Variants in C1QTNF6 observed in about 807,000 individuals in gnomAD.
The protein encoded by C1QTNF6 is complement C1q tumor necrosis factor-related protein 6.
Under a neutral mutation model 20.7 loss-of-function variants are expected in C1QTNF6, and 17 were observed. The ratio of observed to expected loss-of-function variants is 0.82; its 90% CI spans 0.56 to 1.23. The LOEUF is 1.23. Ranked by LOEUF, C1QTNF6 falls within the 50% of genes most tolerant of loss-of-function variation. The pLI is 0.00. For missense variants in C1QTNF6, 329 were observed against 389.7 expected (o/e 0.84, Z 1.31); for synonymous variants, 130 against 156.3 (o/e 0.83, Z 1.25).
At chr22:37,185,102 C>T in intron 2 of C1QTNF6, 116 bp downstream of exon 2, 1 of 1,448,064 alleles carries the variant, frequency 6.9e-7, no homozygotes, top group East Asian at 2.5e-5. Context: ...CATTGGGGCT[C>T]AATAACTCAG....
At chr22:37,188,362 C>T (rs1371868905), upstream of C1QTNF6, 3 of 643,656 alleles carry the variant, frequency 4.7e-6, no homozygotes, top group Non-Finnish European at 7.4e-6. Flanking sequence ...TCCCACTTCC[C>T]CTCCTCCCTG....
At chr22:37,191,039 T>C (rs1000564920), upstream of C1QTNF6, 2 of 152,216 alleles carry the variant, frequency 1.3e-5, no homozygotes, top group Non-Finnish European at 2.9e-5. Flanking sequence ...TTGCTTGATA[T>C]ATATGTGTTA....
At chr22:37,198,389 C>T (rs1925278278), upstream of C1QTNF6, 1 of 152,250 alleles carries the variant, frequency 6.6e-6, no homozygotes, top group African/African-American at 2.4e-5. Flanking sequence ...CCCCTGGCCA[C>T]CATCCTGCAC....
In C1QTNF6 at chr22:37,182,656, C is replaced by T; in HGVS notation, c.369G>A (p.Gln123=). The change falls in exon 3 of 3, where the codon CAG becomes CAA. Residue 123 remains glutamine, a synonymous_variant. Transcript: ENST00000337843. ...REGPQGEPGP[Q]GSKGDKGEMG... ...TCTCCCCCTTGTCACCCTTGCTGCC[C>T]TGAGGGCCAGGCTCCCCTTGGGGAC... 1 of 1,613,252 alleles carries T rather than the reference C, an allele frequency of 6.2e-7. No homozygotes were observed. The highest frequency in any genetic ancestry group is 8.5e-7 in the Non-Finnish European group (1 of 1,180,008).
At position 37,182,465 on chromosome 22, in the gene C1QTNF6, A is replaced by G; in HGVS notation, c.560T>C (p.Leu187Pro). The G allele has an allele frequency of 1.9e-6, 3 of 1,614,276 alleles. No individual in the cohort carries two copies. Among genetic ancestry groups the G allele is most frequent in the East Asian group, 2.2e-5 (1 of 44,890 alleles). Residue 187 changes from leucine (L) to proline (P), a missense_variant, in exon 3 of 3, where the codon CTG becomes CCG. Leu to Pro is a moderately conservative substitution (Grantham distance 98). Coordinates refer to ENST00000337843, the MANE Select transcript of C1QTNF6 (RefSeq NM_031910.4). The stretch of plus-strand genomic sequence containing the variant: ...GAGGCTGAAGAAGTAGATGCCACGC[A>G]GGGGAGCAGCAAACTGGCCGGTCGC... ...DMATGQFAAP[L>P]RGIYFFSLNV... is the part of the protein sequence containing the mutation.
At chr22:37,185,866 C>T in intron 1 of C1QTNF6, 1 of 989,056 alleles carries the variant, frequency 1.0e-6, no homozygotes, top group Non-Finnish European at 1.2e-6. Context: ...TTCCCGCCCG[C>T]GCACCTCCCT....
At chr22:37,187,259 G>C (rs1156802949) in intron 1 of C1QTNF6, among the ~76,000 whole-genome samples, 2 of 143,650 alleles carry the variant, frequency 1.4e-5, no homozygotes, top group African/African-American at 5.1e-5. Flanking sequence ...CAAATCCTCA[G>C]AGATCAACAT....
intron 1 of C1QTNF6, chr22:37,197,384 G>C (rs902397321): frequency 1.3e-5 from 2 of 152,272 alleles, no homozygotes; most frequent in South Asian, 2.1e-4. Context: ...CCAAGCCTTC[G>C]GGCTTAGAAA....
chr22:37,188,267 C>A (rs1924552472), upstream of C1QTNF6: 9 of 1,454,470 alleles, frequency 6.2e-6, no homozygotes, highest in Non-Finnish European at 8.4e-6. Context: ...CTGGCCCAGA[C>A]CCCCAGGCCC....
chr22:37,195,971 T>C (rs945368668), intron 1 of C1QTNF6: 4 of 152,206 alleles, frequency 2.6e-5, no homozygotes, highest in Admixed American at 2.0e-4. Context: ...TATCTTATGA[T>C]ACCAGTCCTG....
At position 37,182,479 on chromosome 22, in the gene C1QTNF6, C is replaced by A; in HGVS notation, c.546G>T (p.Gln182His). ...AGATGCCACGCAGGGGAGCAGCAAA[C>A]TGGCCGGTCGCCATGTCAAAGCACC... ...LDGCFDMATG[Q>H]FAAPLRGIYF... is the part of the protein sequence containing the mutation. The change falls in exon 3 of 3, where the codon CAG (glutamine) becomes CAT (histidine). Residue 182 changes from glutamine to histidine, a missense_variant. Gln to His is a conservative substitution (Grantham distance 24). Transcript: ENST00000337843. 1 of 1,614,284 alleles carries A rather than the reference C, an allele frequency of 6.2e-7. No homozygotes were observed. Among genetic ancestry groups the A allele is most frequent in the Non-Finnish European group, 8.5e-7 (1 of 1,180,058 alleles).
intron 1 of C1QTNF6, chr22:37,195,655 TTTC>T (rs1925093183): frequency 6.6e-6 from 1 of 152,240 alleles, no homozygotes; most frequent in Non-Finnish European, 1.5e-5. Context: ...TTTATGGTTA[TTTC>T]TTGATTATAT....
At position 37,184,166 on chromosome 22, in the gene C1QTNF6, A is replaced by C. The variant is rs1250822969; in HGVS notation, c.289+1052T>G. ...GGGTGTGAGGAAGAGCAACGTCCTC[A>C]CCACGAAATCAGAACAAGGGCAGGC... On this transcript the variant is annotated intron_variant, in intron 2 of 2. Transcript: ENST00000337843. The surrounding 1 kb of genome is among the most constrained non-coding windows in gnomAD (Gnocchi z 4.0). Among the ~76,000 whole-genome samples the C allele has an allele frequency of 1.3e-5, 2 of 152,090 alleles. No individual in the cohort carries two copies. Among genetic ancestry groups the C allele is most frequent in the Non-Finnish European group, 2.9e-5 (2 of 68,002 alleles).
chr22:37,195,308 TA>T (rs1177976266), intron 2 of C1QTNF6: 1 of 152,228 alleles, frequency 6.6e-6, no homozygotes, highest in Non-Finnish European at 1.5e-5. Context: ...GAGGGGCCTT[TA>T]ACCCCCTATT....
intron 2 of C1QTNF6, among the ~76,000 whole-genome samples, chr22:37,183,110 C>T (rs5750388): frequency 6.6e-6 from 1 of 152,228 alleles, no homozygotes; most frequent in East Asian, 1.9e-4. Flanking sequence ...GCAGTCCAGG[C>T]TGGCAGGGAT....
upstream of C1QTNF6, among the ~76,000 whole-genome samples, chr22:37,189,338 G>C (rs1045680970): frequency 2.0e-5 from 3 of 152,116 alleles, no homozygotes; most frequent in African/African-American, 7.2e-5. Context: ...CCTGTATCTT[G>C]TGATACCAGT....
At chr22:37,183,502 C>T (rs1415963799) in intron 2 of C1QTNF6, among the ~76,000 whole-genome samples, 1 of 152,264 alleles carries the variant, frequency 6.6e-6, no homozygotes, top group Non-Finnish European at 1.5e-5. Context: ...TCCAGGCTGA[C>T]TTTCAACATA....
At position 37,185,203 on chromosome 22, in the gene C1QTNF6, C is replaced by G. The variant is rs201570312; in HGVS notation, c.289+15G>C. ...CCTCCCTGCCCACTACCAGGCCCCA[C>G]AGGAGGGCACTCACCCTTCAGGATG... On this transcript the variant is annotated intron_variant, in intron 2 of 2. Transcript: ENST00000337843. The G allele has an allele frequency of 1.2e-5, 18 of 1,534,722 alleles. No individual in the cohort carries two copies. Among genetic ancestry groups the G allele is most frequent in the East Asian group, 1.2e-4 (5 of 43,314 alleles).
rs1924211123 is a variant in C1QTNF6 at position 37,185,319 on chromosome 22, T to G, written c.188A>C (p.Glu63Ala). The change falls in exon 2 of 3, where the codon GAG becomes GCG. Residue 63 changes from glutamate (E) to alanine (A), a missense_variant. Physicochemically the swap from Glu to Ala is moderately radical, Grantham distance 107 (BLOSUM62 -1). Coordinates refer to ENST00000337843, the MANE Select transcript of C1QTNF6 (RefSeq NM_031910.4). The stretch of plus-strand genomic sequence containing the variant: ...TACATGGGCAGGATCCAGGGGGTCC[T>G]CAGAGTCACAGCACCGTTGGCAGCC... ...ASGCQRCCDS[E>A]DPLDPAHVSS... 1.2e-6 allele frequency: 2 copies of G among 1,613,362 alleles called. No homozygotes were observed. The highest frequency in any genetic ancestry group is 8.5e-7 in the Non-Finnish European group (1 of 1,179,834).
Sources: allele counts gnomAD v4.1 joint callset (sites outside exome capture counted in the v4.1 genomes callset), GRCh38; gene constraint gnomAD v4.1.1; non-coding constraint Gnocchi (gnomAD v3.1); transcripts MANE v1.5; gene names NCBI Gene and HGNC (gene_info 2026-07-23, HGNC 2026-07-21).